The following CCBE1 variants were observed in gnomAD, a reference collection of about 807,000 sequenced individuals.
The protein encoded by CCBE1 is collagen and calcium-binding EGF domain-containing protein 1.
In CCBE1, 37 loss-of-function variants were observed where a neutral mutation model predicts 50.0. That is an observed-to-expected ratio of 0.74 (90% CI 0.57 to 0.97). The LOEUF (loss-of-function observed/expected upper bound fraction) is 0.97. CCBE1 is among the 50% of genes least tolerant of loss of function. CCBE1 has a pLI of 0.00. For missense variants in CCBE1, 538 were observed against 523.8 expected, an observed-to-expected ratio of 1.03 and a Z score of -0.26; for synonymous variants, 234 against 203.7, an observed-to-expected ratio of 1.15 and a Z score of -1.27.
intron 2 of CCBE1, among the ~76,000 whole-genome samples, chr18:59,659,894 C>A (rs529424788): frequency 6.6e-6 from 1 of 152,292 alleles, no homozygotes; most frequent in East Asian, 1.9e-4. Flanking sequence ...CAGAGGTCCC[C>A]CCTCCCAGTT....
At chr18:59,468,850 T>TCC (rs199512598) in intron 4 of CCBE1, among the ~76,000 whole-genome samples, 7 of 139,002 alleles carry the variant, frequency 5.0e-5, no homozygotes, top group African/African-American at 1.6e-4. Context: ...TTTTTTTTTT[T>TCC]TCCCCAAACG....
chr18:59,478,642 T>C (rs610174), intron 3 of CCBE1, among the ~76,000 whole-genome samples: 39,770 of 152,110 alleles, frequency 0.26, 5,292 homozygotes, highest in Non-Finnish European at 0.29. Flanking sequence ...ACCACTAATA[T>C]TGAAAGAAAC....
chr18:59,690,233 T>C (rs763453335), intron 2 of CCBE1, among the ~76,000 whole-genome samples: 2 of 152,164 alleles, frequency 1.3e-5, no homozygotes, highest in African/African-American at 4.8e-5. Flanking sequence ...GTTCATAAGA[T>C]TAAAATTAGT....
At chr18:59,582,502 T>C (rs1235888595) in intron 2 of CCBE1, among the ~76,000 whole-genome samples, 1 of 152,198 alleles carries the variant, frequency 6.6e-6, no homozygotes, top group Non-Finnish European at 1.5e-5. Context: ...TAAGATTTTA[T>C]TTGGAGACTT....
chr18:59,501,726 A>G (rs939689204), intron 2 of CCBE1, among the ~76,000 whole-genome samples: 1 of 152,218 alleles, frequency 6.6e-6, no homozygotes. Flanking sequence ...GCTAGAGTCC[A>G]CTAGAGAAAT....
chr18:59,561,949 C>T (rs1232337739), intron 2 of CCBE1, among the ~76,000 whole-genome samples: 1 of 152,114 alleles, frequency 6.6e-6, no homozygotes, highest in Non-Finnish European at 1.5e-5. Context: ...CTGCCTATTG[C>T]CCCCTGAGGT....
chr18:59,689,553 A>G (rs1183162053), intron 2 of CCBE1, among the ~76,000 whole-genome samples: 1 of 152,202 alleles, frequency 6.6e-6, no homozygotes, highest in Non-Finnish European at 1.5e-5. Flanking sequence ...AGGTGTTTCA[A>G]GCTGGAAACT....
intron 2 of CCBE1, among the ~76,000 whole-genome samples, chr18:59,695,281 A>C (rs2054790645): frequency 6.6e-6 from 1 of 152,196 alleles, no homozygotes; most frequent in East Asian, 1.9e-4. Context: ...CACGGCTGGA[A>C]CCAGGCAAGC....
intron 2 of CCBE1, among the ~76,000 whole-genome samples, chr18:59,571,884 C>T (rs1456848975): frequency 6.6e-6 from 1 of 152,204 alleles, no homozygotes; most frequent in Non-Finnish European, 1.5e-5. Context: ...AGGGGCTCAT[C>T]AATCTGGATT....
chr18:59,516,584 T>TTA (rs1914383092), intron 2 of CCBE1, among the ~76,000 whole-genome samples: 1 of 152,210 alleles, frequency 6.6e-6, no homozygotes. Context: ...TCACTGCAGT[T>TTA]TATCTTTGTT....
intron 2 of CCBE1, among the ~76,000 whole-genome samples, chr18:59,570,042 T>C (rs1291266926): frequency 1.3e-5 from 2 of 152,264 alleles, no homozygotes; most frequent in African/African-American, 2.4e-5. Flanking sequence ...TTTGAAGATC[T>C]GTTACTCTTC....
chr18:59,643,073 G>A (rs1045861043), intron 2 of CCBE1, among the ~76,000 whole-genome samples: 1 of 152,108 alleles, frequency 6.6e-6, no homozygotes, highest in African/African-American at 2.4e-5. Context: ...CCACTGGATG[G>A]CTGAGTGGAT....
intron 2 of CCBE1, among the ~76,000 whole-genome samples, chr18:59,688,892 T>C (rs1390494281): frequency 6.6e-6 from 1 of 152,196 alleles, no homozygotes; most frequent in African/African-American, 2.4e-5. Flanking sequence ...CAAGGTCACC[T>C]TGAGAATTCA....
chr18:59,599,897 C>G (rs1458868384), intron 2 of CCBE1, among the ~76,000 whole-genome samples: 1 of 152,136 alleles, frequency 6.6e-6, no homozygotes, highest in Non-Finnish European at 1.5e-5. Flanking sequence ...TGACTTTGGA[C>G]TAATGGTTTA....
chr18:59,545,139 A>G (rs1915630221), intron 2 of CCBE1, among the ~76,000 whole-genome samples: 1 of 152,216 alleles, frequency 6.6e-6, no homozygotes, highest in South Asian at 2.1e-4. Context: ...AGGTTCCATG[A>G]GCAGATCTTC....
At chr18:59,541,545 T>G (rs1274260490) in intron 2 of CCBE1, among the ~76,000 whole-genome samples, 1 of 152,124 alleles carries the variant, frequency 6.6e-6, no homozygotes, top group Non-Finnish European at 1.5e-5. Context: ...ATATGTGCAG[T>G]TTCCAGAAAA....
chr18:59,443,725 T>C (rs1260066677), intron 7 of CCBE1, among the ~76,000 whole-genome samples: 3 of 151,996 alleles, frequency 2.0e-5, no homozygotes, highest in African/African-American at 7.3e-5. Context: ...TACCTCAGCC[T>C]CCCCAAAGTG....
chr18:59,641,083 C>T (rs184186420), intron 2 of CCBE1, among the ~76,000 whole-genome samples: 3 of 152,266 alleles, frequency 2.0e-5, no homozygotes, highest in Non-Finnish European at 2.9e-5. Flanking sequence ...TCTGAGAGAA[C>T]TTTAAACAGT....
At chr18:59,505,913 A>G (rs1022007864) in intron 2 of CCBE1, among the ~76,000 whole-genome samples, 1 of 152,258 alleles carries the variant, frequency 6.6e-6, no homozygotes, top group Non-Finnish European at 1.5e-5. Flanking sequence ...AGGGTTGTTT[A>G]CAAGGGAACT....
Sources: allele counts gnomAD v4.1 joint callset (sites outside exome capture counted in the v4.1 genomes callset), GRCh38; gene constraint gnomAD v4.1.1; transcripts MANE v1.5; gene names NCBI Gene and HGNC (gene_info 2026-07-23, HGNC 2026-07-21).